The following CHEK2 variants were observed in gnomAD, a reference collection of about 807,000 sequenced individuals.
CHEK2 encodes the protein serine/threonine-protein kinase Chk2.
A neutral mutation model predicts 69.1 loss-of-function variants in CHEK2; 71 were observed. That is an observed-to-expected ratio of 1.03 (90% CI 0.85 to 1.25). The LOEUF is 1.25. Among genes scored for constraint, CHEK2 ranks in the 50% most tolerant of loss-of-function variants. The probability of loss-of-function intolerance (pLI) is 0.00; values close to 1 mark genes in which losing one functional copy is unlikely to be tolerated. For missense variants in CHEK2, 664 were observed against 649.6 expected (o/e 1.02, Z -0.24); for synonymous variants, 189 against 226.9 (o/e 0.83, Z 1.50).
rs142966756 is a variant in CHEK2, at chr22:28,725,244, C to G, written c.443G>C (p.Arg148Thr). Reference protein sequence around the residue: ...TYSKKHFRIFREVGPKNSYIA... With the variant: ...TYSKKHFRIFTEVGPKNSYIA... ...GATACATGGGTATTCATTACCTACC[C>G]TGAAAATCCGAAAGTGTTTCTTGCT... is the stretch of plus-strand genomic sequence containing the variant. Residue 148 changes from arginine to threonine, a missense_variant and splice_region_variant, in exon 3 of 15, where the codon AGG (arginine) becomes ACG (threonine). Physicochemically the swap from Arg to Thr is moderately conservative, Grantham distance 71. Transcript: ENST00000404276. 1.2e-6 allele frequency: 2 copies of G among 1,614,102 alleles called. No individual in the cohort carries two copies. Among genetic ancestry groups the G allele is most frequent in the Non-Finnish European group, 1.7e-6 (2 of 1,180,024 alleles).
intron 13 of CHEK2, among the ~76,000 whole-genome samples, chr22:28,691,006 G>A (rs2052341351): frequency 1.3e-5 from 2 of 151,932 alleles, no homozygotes; most frequent in Admixed American, 6.6e-5. Context: ...GAGTTTCTCA[G>A]TGTAGCTCCC....
chr22:28,713,545 G>A (rs558294058), intron 5 of CHEK2, among the ~76,000 whole-genome samples: 1 of 151,958 alleles, frequency 6.6e-6, no homozygotes, highest in Admixed American at 6.6e-5. Flanking sequence ...TTTTAGTAGA[G>A]GGGGGTTTCA....
In CHEK2 at chr22:28,716,011, G is replaced by A. The variant is rs1484105132; in HGVS notation, c.683+3384C>T. ...CTTCCAAGTAGCTGGGACTACAGGT[G>A]CAGACCGCAACGCTCAGCTAACTTT... On this transcript the variant is annotated intron_variant, in intron 5 of 14. Coordinates refer to ENST00000404276, the MANE Select transcript of CHEK2 (RefSeq NM_007194.4). Among the ~76,000 whole-genome samples, 3 of 151,626 alleles carry A rather than the reference G, an allele frequency of 2.0e-5. 1 individual carries two copies. The highest frequency in any genetic ancestry group is 2.0e-4 in the Admixed American group (3 of 15,198).
chr22:28,720,541 TTGCCTA>T (rs1358165849), intron 4 of CHEK2, among the ~76,000 whole-genome samples: 12 of 152,332 alleles, frequency 7.9e-5, no homozygotes, highest in Middle Eastern at 3.4e-3. Flanking sequence ...AAATTTGCAA[TTGCCTA>T]TGCCATCTTG....
At chr22:28,697,211 C>T (rs2052626763) in intron 9 of CHEK2, among the ~76,000 whole-genome samples, 1 of 152,150 alleles carries the variant, frequency 6.6e-6, no homozygotes, top group Admixed American at 6.5e-5. Context: ...GAACAATTAA[C>T]CTTTCATTTC....
At position 28,691,234 on chromosome 22, in the gene CHEK2, C is replaced by A. The variant is rs577420311; in HGVS notation, c.1462-2019G>T. On this transcript the variant is annotated intron_variant, in intron 13 of 14. Coordinates refer to ENST00000404276, the MANE Select transcript of CHEK2 (RefSeq NM_007194.4). ...GTGGCTCATGCCTGGAATCCCAGCACTTTGGGAGGCCAAGGTGGGTAGATA... is the reference window on the plus strand; with the variant it reads ...GTGGCTCATGCCTGGAATCCCAGCAATTTGGGAGGCCAAGGTGGGTAGATA... Among the ~76,000 whole-genome samples, 54 of 152,298 alleles carry A rather than the reference C, an allele frequency of 3.5e-4. No homozygotes were observed. The South Asian group carries it at 5.4e-3, about 15-fold the overall frequency.
chr22:28,737,502 C>G (rs1046106149), intron 1 of CHEK2, among the ~76,000 whole-genome samples: 2 of 143,968 alleles, frequency 1.4e-5, no homozygotes, highest in Admixed American at 1.4e-4. Context: ...GAAACGGAGT[C>G]TCAGTCACCC....
intron 14 of CHEK2, 120 bp from the exon 15 acceptor site, chr22:28,688,106 CA>C: frequency 1.3e-6 from 1 of 782,764 alleles, no homozygotes; most frequent in Non-Finnish European, 2.1e-6. Flanking sequence ...ATTCTAGAAC[CA>C]AAAATTACTG....
intron 7 of CHEK2, among the ~76,000 whole-genome samples, chr22:28,709,674 T>C (rs1054686152): frequency 6.6e-6 from 1 of 152,204 alleles, no homozygotes; most frequent in Admixed American, 6.5e-5. Flanking sequence ...TGGAGTGCAG[T>C]GGCGCGATCT....
rs907621837 is a variant in CHEK2, at chr22:28,719,424, A to G, written c.654T>C (p.Asp218=). The G allele has an allele frequency of 1.3e-6, 2 of 1,595,282 alleles. No individual in the cohort carries two copies. The highest frequency in any genetic ancestry group is 1.7e-6 in the Non-Finnish European group (2 of 1,169,774). The change falls in exon 5 of 15, where the codon GAT becomes GAC. Residue 218 remains aspartate (D), a synonymous_variant. Transcript: ENST00000404276. The part of the protein sequence containing the change: ...DQSVYPKALR[D]EYIMSKTLGS... ...CAAGAGTTTTTGACATGATGTATTC[A>G]TCTCTTAATGCCTTAGGATAAACTG...
In CHEK2 at chr22:28,689,235, A is replaced by G. The variant is rs747767986; in HGVS notation, c.1462-20T>C. The stretch of plus-strand genomic sequence containing the variant: ...TTCATCCTGTGAGGGAATTAAAAAC[A>G]TAAGTAGCTGTGTCTGAAGGATAAT... On this transcript the variant is annotated intron_variant, in intron 13 of 14. Coordinates refer to ENST00000404276, the MANE Select transcript of CHEK2 (RefSeq NM_007194.4). 1.8e-5 allele frequency: 26 copies of G among 1,417,290 alleles called. No individual in the cohort carries two copies. The highest frequency in any genetic ancestry group is 2.4e-4 in the Middle Eastern group (1 of 4,112). 87.8% of individuals were successfully genotyped at this position (1,417,290 alleles called of 1,614,324 possible).
intron 13 of CHEK2, chr22:28,689,517 T>G (rs1323354521): frequency 2.6e-6 from 1 of 382,968 alleles, no homozygotes; most frequent in African/African-American, 2.1e-5. Flanking sequence ...TCCAAGATCC[T>G]GAGAAAGGTG....
intron 1 of CHEK2, among the ~76,000 whole-genome samples, chr22:28,739,301 C>T (rs1043177224): frequency 6.6e-6 from 1 of 151,852 alleles, no homozygotes; most frequent in Non-Finnish European, 1.5e-5. Flanking sequence ...GCAAAAGATC[C>T]GAAAAGACAT....
At chr22:28,740,688 C>T (rs1006773821) in intron 1 of CHEK2, among the ~76,000 whole-genome samples, 5 of 152,146 alleles carry the variant, frequency 3.3e-5, no homozygotes, top group African/African-American at 1.2e-4. Flanking sequence ...TTGGGAACTC[C>T]ATATAGCTCG....
chr22:28,734,758 G>C (rs2146158636), intron 1 of CHEK2, 31 bp from the exon 2 acceptor site: 1 of 1,583,572 alleles, frequency 6.3e-7, no homozygotes, highest in Non-Finnish European at 8.6e-7. Flanking sequence ...CAACAAAGGT[G>C]AGTTTCAAGG....
chr22:28,725,040 T>C lies in CHEK2; in HGVS notation c.529A>G (p.Lys177Glu), dbSNP rs796389290. ...TTATTCAAAGGACGGCGTTTTCCTT[T>C]CCCTACAAGCTCTGTATTTACAAAG... ...GTFVNTELVG[K>E]GKRRPLNNNS... Residue 177 changes from lysine to glutamate, a missense_variant, in exon 4 of 15, where the codon AAA becomes GAA. Physicochemically the swap from Lys to Glu is moderately conservative, Grantham distance 56 (BLOSUM62 1). Transcript: ENST00000404276. The C allele has an allele frequency of 6.2e-7, 1 of 1,614,152 alleles. No individual in the cohort carries two copies. The highest frequency in any genetic ancestry group is 1.1e-5 in the South Asian group (1 of 91,084).
At chr22:28,690,444 C>T (rs1420792208) in intron 13 of CHEK2, among the ~76,000 whole-genome samples, 5 of 151,946 alleles carry the variant, frequency 3.3e-5, no homozygotes, top group African/African-American at 9.7e-5. Flanking sequence ...GCCTGGCTAA[C>T]ATGGTGAAAC....
rs1458061283 is a variant in CHEK2, at chr22:28,700,133, A to G, written c.909-196T>C. Among the ~76,000 whole-genome samples, 3 of 152,114 alleles carry G rather than the reference A, an allele frequency of 2.0e-5. No homozygotes were observed. The East Asian group carries it at 5.8e-4, about 29-fold the overall frequency. On this transcript the variant is annotated intron_variant, in intron 8 of 14. Coordinates refer to ENST00000404276, the MANE Select transcript of CHEK2 (RefSeq NM_007194.4). ...CAGTTGGAAACTAAGGAATGAGATGAAAGGATTGGGCATTGGAGGCACCTG... is the reference window on the plus strand; with the variant it reads ...CAGTTGGAAACTAAGGAATGAGATGGAAGGATTGGGCATTGGAGGCACCTG...
chr22:28,733,833 C>G (rs1292503790), intron 2 of CHEK2, among the ~76,000 whole-genome samples: 3 of 151,128 alleles, frequency 2.0e-5, no homozygotes, highest in African/African-American at 7.3e-5. Context: ...ACAGGAGAAT[C>G]GCTTGAACCC....
Sources: gnomAD v4.1 joint callset for allele counts (sites outside exome capture counted in the v4.1 genomes callset) on GRCh38, gnomAD v4.1.1 for gene constraint, MANE v1.5 for transcripts, NCBI Gene and HGNC (gene_info 2026-07-23, HGNC 2026-07-21) for gene names.